Variants in KCNMA1 observed in about 807,000 individuals in gnomAD.
KCNMA1 encodes Calcium-activated potassium channel subunit alpha-1.
KCNMA1 carries 29 observed loss-of-function variants against 140.0 expected under a neutral mutation model. That is an observed-to-expected ratio of 0.21 (90% CI 0.15 to 0.28). The LOEUF (loss-of-function observed/expected upper bound fraction) is 0.28, where lower values mean the gene tolerates loss of function less well. KCNMA1 is among the 10% of genes least tolerant of loss of function. The pLI, the probability that KCNMA1 is intolerant of heterozygous loss-of-function variation, is 1.00. For synonymous variants in KCNMA1, 612 were observed against 611.9 expected (o/e 1.00, Z 0.00); for missense variants, 880 against 1,602.2 (o/e 0.55, Z 7.70).
intron 2 of KCNMA1, among the ~76,000 whole-genome samples, chr10:77,377,341 G>T (rs2095189677): frequency 6.6e-6 from 1 of 152,126 alleles, no homozygotes; most frequent in Non-Finnish European, 1.5e-5. Flanking sequence ...ACCTCTGGGG[G>T]ATTCCTTTTA....
intron 1 of KCNMA1, among the ~76,000 whole-genome samples, chr10:77,566,792 G>A (rs540096147): frequency 2.6e-5 from 4 of 152,252 alleles, no homozygotes; most frequent in Middle Eastern, 3.4e-3. Context: ...TACTCACTTC[G>A]TGGCATGAAA....
intron 20 of KCNMA1, among the ~76,000 whole-genome samples, chr10:76,966,838 G>A (rs2074136179): frequency 6.6e-6 from 1 of 152,122 alleles, no homozygotes; most frequent in South Asian, 2.1e-4. Context: ...CCTCAGCCTG[G>A]GGCCCAGACA....
intron 2 of KCNMA1, among the ~76,000 whole-genome samples, chr10:77,287,584 C>T (rs2071479341): frequency 6.6e-6 from 1 of 152,202 alleles, no homozygotes; most frequent in Non-Finnish European, 1.5e-5. Flanking sequence ...CTCTAAACAC[C>T]TTCTGAGCAT....
intron 1 of KCNMA1, among the ~76,000 whole-genome samples, chr10:77,588,154 G>A (rs1414250914): frequency 6.6e-6 from 1 of 152,156 alleles, no homozygotes; most frequent in Non-Finnish European, 1.5e-5. Context: ...CTAAGACAGT[G>A]CCTAAGTGGC....
At chr10:77,223,797 T>C (rs896969845) in intron 3 of KCNMA1, among the ~76,000 whole-genome samples, 1 of 152,102 alleles carries the variant, frequency 6.6e-6, no homozygotes, top group Non-Finnish European at 1.5e-5. Flanking sequence ...ATGGACGAAG[T>C]GAAGACAAAA....
At chr10:77,391,872 C>A (rs1300691857) in intron 2 of KCNMA1, among the ~76,000 whole-genome samples, 1 of 151,702 alleles carries the variant, frequency 6.6e-6, no homozygotes, top group African/African-American at 2.4e-5. Context: ...TCATCATCAT[C>A]TCTATTTTTG....
At chr10:77,377,756 A>G (rs1461259883) in intron 2 of KCNMA1, among the ~76,000 whole-genome samples, 2 of 152,196 alleles carry the variant, frequency 1.3e-5, no homozygotes, top group African/African-American at 4.8e-5. Flanking sequence ...AGTAGAGGCT[A>G]TGGAGGCAGA....
chr10:77,457,024 T>G (rs1290845361), intron 1 of KCNMA1, among the ~76,000 whole-genome samples: 1 of 152,184 alleles, frequency 6.6e-6, no homozygotes, highest in African/African-American at 2.4e-5. Flanking sequence ...AATCTGAAGA[T>G]ATCAACTTTC....
At chr10:77,264,887 C>G (rs1422172496) in intron 2 of KCNMA1, among the ~76,000 whole-genome samples, 1 of 152,142 alleles carries the variant, frequency 6.6e-6, no homozygotes, top group Non-Finnish European at 1.5e-5. Context: ...TTCATTCATT[C>G]ATTCAGTGCA....
chr10:77,243,337 G>A (rs150568090), intron 3 of KCNMA1, among the ~76,000 whole-genome samples: 1 of 152,324 alleles, frequency 6.6e-6, no homozygotes, highest in African/African-American at 2.4e-5. Flanking sequence ...ATGCATGTCA[G>A]CCTGTGACTA....
At chr10:77,549,196 A>C (rs1262498781) in intron 1 of KCNMA1, among the ~76,000 whole-genome samples, 1 of 152,248 alleles carries the variant, frequency 6.6e-6, no homozygotes, top group African/African-American at 2.4e-5. Flanking sequence ...CAAACAAGGA[A>C]GCTGAGGCCT....
At chr10:77,636,705 C>A in intron 1 of KCNMA1, 1 of 1,522,916 alleles carries the variant, frequency 6.6e-7, no homozygotes, top group Non-Finnish European at 8.8e-7. Flanking sequence ...CCTGTTATCT[C>A]GGGCCATGCT....
chr10:77,335,502 C>T (rs2088583055), intron 2 of KCNMA1, among the ~76,000 whole-genome samples: 1 of 152,192 alleles, frequency 6.6e-6, no homozygotes, highest in South Asian at 2.1e-4. Context: ...CACAAGTATA[C>T]ACTCCCAGAT....
At chr10:77,151,091 T>C (rs569100833) in intron 5 of KCNMA1, among the ~76,000 whole-genome samples, 1 of 151,458 alleles carries the variant, frequency 6.6e-6, no homozygotes, top group African/African-American at 2.4e-5. Flanking sequence ...CTTTCTTTCT[T>C]TCTCTCTCTC....
intron 2 of KCNMA1, among the ~76,000 whole-genome samples, chr10:77,339,197 T>C (rs1603195246): frequency 1.3e-5 from 2 of 151,246 alleles, no homozygotes; most frequent in African/African-American, 4.9e-5. Flanking sequence ...AAAGGCAGGC[T>C]CTTCCATGCC....
At chr10:77,215,879 TCTCTCTCTCTCTCCTCTCTCCTCTCTC>T (rs1349321609) in intron 3 of KCNMA1, among the ~76,000 whole-genome samples, 1 of 145,274 alleles carries the variant, frequency 6.9e-6, no homozygotes, top group African/African-American at 2.5e-5. Context: ...CCCCCACCTG[TCTCTCTCTCTCTCCTCTCTCCTCTCTC>T]CTCTCTCTCT....
intron 1 of KCNMA1, among the ~76,000 whole-genome samples, chr10:77,548,670 A>ACTCAGGGTCTTGCCCCAGCTCTGTGG (rs2062007695): frequency 6.6e-6 from 1 of 152,166 alleles, no homozygotes. Context: ...GACTGAGGAG[A>ACTCAGGGTCTTGCCCCAGCTCTGTGG]CTCAGGGTCT....
chr10:77,270,492 TTTC>T (rs2064742264), intron 2 of KCNMA1, among the ~76,000 whole-genome samples: 2 of 151,788 alleles, frequency 1.3e-5, no homozygotes, highest in African/African-American at 4.8e-5. Context: ...CTTTCTTTCC[TTTC>T]TTTCTTTTCT....
chr10:77,615,932 T>C (rs910326063), intron 1 of KCNMA1, among the ~76,000 whole-genome samples: 1 of 152,198 alleles, frequency 6.6e-6, no homozygotes, highest in Non-Finnish European at 1.5e-5. Flanking sequence ...TATTGAGGAC[T>C]TACAAGATGC....
Sources: allele counts gnomAD v4.1 joint callset (sites outside exome capture counted in the v4.1 genomes callset), GRCh38; gene constraint gnomAD v4.1.1; transcripts MANE v1.5; gene names NCBI Gene and HGNC (gene_info 2026-07-23, HGNC 2026-07-21).